Variants in TTC3 observed in about 807,000 individuals in gnomAD.
TTC3 encodes the protein E3 ubiquitin-protein ligase TTC3.
A neutral mutation model predicts 249.6 loss-of-function variants in TTC3; 180 were observed. The observed-to-expected ratio is 0.72, with a 90% CI of 0.64 to 0.82. The LOEUF (loss-of-function observed/expected upper bound fraction) is 0.82. TTC3 is among the 40% of genes least tolerant of loss of function. The probability of loss-of-function intolerance (pLI) is 0.00; values close to 1 mark genes in which losing one functional copy is unlikely to be tolerated. For synonymous variants in TTC3, 717 were observed against 805.0 expected (o/e 0.89, Z 1.85); for missense variants, 2,061 against 2,398.4 (o/e 0.86, Z 2.94).
At chr21:37,158,138 C>G in intron 28 of TTC3, 1 of 985,444 alleles carries the variant, frequency 1.0e-6, no homozygotes, top group Non-Finnish European at 1.2e-6. Context: ...CAGGATACTG[C>G]TTCATGACTG....
At chr21:37,150,423 T>C (rs2079360481) in intron 24 of TTC3, among the ~76,000 whole-genome samples, 1 of 152,152 alleles carries the variant, frequency 6.6e-6, no homozygotes, top group South Asian at 2.1e-4. Context: ...TTTACTGTTT[T>C]TGATAACTTC....
At chr21:37,075,957 A>G (rs2070800699) in intron 1 of TTC3, among the ~76,000 whole-genome samples, 1 of 152,220 alleles carries the variant, frequency 6.6e-6, no homozygotes. Flanking sequence ...TTCAAAATAT[A>G]TGTAAAACAT....
At chr21:37,122,437 T>TATATATATAATATATATATATATTA (rs913030475) in intron 12 of TTC3, among the ~76,000 whole-genome samples, 1 of 28,550 alleles carries the variant, frequency 3.5e-5, no homozygotes, top group Admixed American at 4.2e-4. Context: ...TATATATATA[T>TATATATATAATATATATATATATTA]TATATATATA....
intron 39 of TTC3, 33 bp downstream of exon 39, chr21:37,188,628 C>A: frequency 6.5e-7 from 1 of 1,537,258 alleles, no homozygotes; most frequent in South Asian, 1.1e-5. Flanking sequence ...CTCAGCACGT[C>A]ATTTAGAAGA....
chr21:37,145,327 G>T (rs924263652), intron 21 of TTC3, among the ~76,000 whole-genome samples: 10 of 152,134 alleles, frequency 6.6e-5, no homozygotes, highest in African/African-American at 2.4e-4. Context: ...GTAGTCAAAG[G>T]ATCTGAATAG....
chr21:37,103,368 G>T (rs764632179), intron 10 of TTC3, among the ~76,000 whole-genome samples: 1 of 152,068 alleles, frequency 6.6e-6, no homozygotes, highest in Non-Finnish European at 1.5e-5. Flanking sequence ...GTAAATAACC[G>T]TTTGCATCTG....
intron 36 of TTC3, 74 bp downstream of exon 36, chr21:37,182,987 T>C (rs967902945): frequency 3.2e-6 from 4 of 1,247,142 alleles, no homozygotes; most frequent in Non-Finnish European, 4.3e-6. Context: ...TTCACATTTT[T>C]GATATTTAAT....
exon 28 of TTC3, chr21:37,156,777 A>G: frequency 2.5e-6 from 4 of 1,614,106 alleles, no homozygotes; most frequent in Non-Finnish European, 3.4e-6. Context: ...TATAGAAGGA[A>G]AGCAACTTGA....
intron 10 of TTC3, among the ~76,000 whole-genome samples, chr21:37,105,319 C>G (rs1337846666): frequency 3.3e-5 from 5 of 152,086 alleles, no homozygotes; most frequent in Admixed American, 6.5e-5. Context: ...GTAAAGAAAA[C>G]TTACCTTATT....
At chr21:37,181,908 C>A (rs2082796926) in intron 35 of TTC3, among the ~76,000 whole-genome samples, 1 of 152,046 alleles carries the variant, frequency 6.6e-6, no homozygotes, top group Non-Finnish European at 1.5e-5. Flanking sequence ...GCAGGAAGTT[C>A]AGGCTGTAGG....
chr21:37,169,006 C>T (rs1404945067), intron 34 of TTC3, among the ~76,000 whole-genome samples: 1 of 152,158 alleles, frequency 6.6e-6, no homozygotes, highest in Non-Finnish European at 1.5e-5. Flanking sequence ...TGCTTGACCT[C>T]ATGGGGCTGG....
chr21:37,173,896 A>C (rs1328539974), intron 35 of TTC3, among the ~76,000 whole-genome samples: 1 of 152,224 alleles, frequency 6.6e-6, no homozygotes, highest in Non-Finnish European at 1.5e-5. Context: ...GCATAGTGAC[A>C]CATGGAACAC....
At chr21:37,151,761 A>C (rs1601812573) in intron 25 of TTC3, 132 bp from the exon 26 acceptor site, 4 of 1,051,234 alleles carry the variant, frequency 3.8e-6, no homozygotes, top group African/African-American at 1.6e-5. Context: ...AGTTTCTTAC[A>C]TTGAATGGAA....
chr21:37,101,791 C>A (rs1317872266), intron 10 of TTC3, among the ~76,000 whole-genome samples: 1 of 150,546 alleles, frequency 6.6e-6, no homozygotes, highest in Admixed American at 6.7e-5. Context: ...TTTTTTTTTA[C>A]ATTTAAGTCT....
At chr21:37,135,088 T>G (rs1367817312) in intron 17 of TTC3, among the ~76,000 whole-genome samples, 2 of 152,230 alleles carry the variant, frequency 1.3e-5, no homozygotes, top group African/African-American at 2.4e-5. Context: ...TTAAAAATAC[T>G]GTCTGTTTAG....
At chr21:37,177,799 A>T (rs967161973) in intron 35 of TTC3, among the ~76,000 whole-genome samples, 12 of 152,202 alleles carry the variant, frequency 7.9e-5, no homozygotes, top group Non-Finnish European at 7.3e-5. Flanking sequence ...GATGGTAATT[A>T]TCATTTTATA....
At chr21:37,185,754 G>A in exon 37 of TTC3, 1 of 1,549,108 alleles carries the variant, frequency 6.5e-7, no homozygotes. Context: ...AATTACATCT[G>A]GATCAGTCCC....
chr21:37,133,927 C>A (rs1373642609), intron 17 of TTC3, among the ~76,000 whole-genome samples: 1 of 151,750 alleles, frequency 6.6e-6, no homozygotes, highest in Non-Finnish European at 1.5e-5. Context: ...GTTTGGGAGC[C>A]CTGTCTCTTT....
chr21:37,186,345 C>A (rs1184525477), intron 37 of TTC3, among the ~76,000 whole-genome samples: 1 of 152,178 alleles, frequency 6.6e-6, no homozygotes, highest in East Asian at 1.9e-4. Flanking sequence ...GTACAGATTT[C>A]TTTTTCCCTT....
Sources: allele counts gnomAD v4.1 joint callset (sites outside exome capture counted in the v4.1 genomes callset), GRCh38; gene constraint gnomAD v4.1.1; transcripts MANE v1.5; gene names NCBI Gene and HGNC (gene_info 2026-07-23, HGNC 2026-07-21).